NID2: variants seen among roughly 807,000 people sequenced by gnomAD.
The protein encoded by NID2 is nidogen-2.
A neutral mutation model predicts 145.4 loss-of-function variants in NID2; 83 were observed. The observed-to-expected ratio is 0.57, with a 90% CI of 0.48 to 0.69. The LOEUF (loss-of-function observed/expected upper bound fraction) is 0.69. Among genes scored for constraint, NID2 ranks in the 30% least tolerant of loss-of-function variants. The pLI is 0.00. For synonymous variants in NID2, 739 were observed against 701.3 expected, an observed-to-expected ratio of 1.05 and a Z score of -0.85; for missense variants, 1,807 against 1,765.7, an observed-to-expected ratio of 1.02 and a Z score of -0.42.
chr14:52,034,913 T>C (rs142354527), intron 9 of NID2, among the ~76,000 whole-genome samples: 271 of 152,330 alleles, frequency 1.8e-3, no homozygotes, highest in African/African-American at 6.0e-3. Context: ...TAGAGTTCCC[T>C]GACTTCACAA....
In NID2 at chr14:52,014,349, A is replaced by G. The variant is rs1891137366; in HGVS notation, c.3358T>C (p.Tyr1120His). ...AGCCTGGTGCCATTGAGGGGTAAGTAGCCAATCTGCTGGCCCTGAGTATAG... is the reference window on the plus strand; with the variant it reads ...AGCCTGGTGCCATTGAGGGGTAAGTGGCCAATCTGCTGGCCCTGAGTATAG... ...LLYTQGQQIG[Y>H]LPLNGTRLQK... Residue 1120 changes from tyrosine to histidine, a missense_variant, in exon 16 of 22, where the codon TAC becomes CAC. Coordinates refer to ENST00000216286, the MANE Select transcript of NID2 (RefSeq NM_007361.4). The G allele has an allele frequency of 6.2e-7, 1 of 1,614,266 alleles. No individual in the cohort carries two copies. The highest frequency in any genetic ancestry group is 8.5e-7 in the Non-Finnish European group (1 of 1,180,046).
rs765875074 is a variant in NID2, at chr14:52,027,274, A to G, written c.2601T>C (p.Cys867=). ...TGAACGTGCTGCCTCCATGGTGAAC[A>G]CACCGGGCCTGCCCAGCAGGAGCAC... The part of the protein sequence containing the change: ...HTCAPAGQAR[C]VHHGGSTFSC... Residue 867 remains cysteine, a synonymous_variant, in exon 12 of 22, where the codon TGT becomes TGC. Coordinates refer to ENST00000216286, the MANE Select transcript of NID2 (RefSeq NM_007361.4). 3 of 1,597,390 alleles carry G rather than the reference A, an allele frequency of 1.9e-6. No individual in the cohort carries two copies. The highest frequency in any genetic ancestry group is 2.6e-6 in the Non-Finnish European group (3 of 1,172,722).
Position 52,042,179 on chromosome 14 carries a change from G to T in NID2, c.1751C>A (p.Thr584Lys). The change falls in exon 7 of 22, where the codon ACA (threonine) becomes AAA (lysine). Residue 584 changes from threonine (T) to lysine (K), a missense_variant. Physicochemically the swap from Thr to Lys is moderately conservative, Grantham distance 78. Coordinates refer to ENST00000216286, the MANE Select transcript of NID2 (RefSeq NM_007361.4). ...CCAGCCAAACAGGCCTCCAATTGGT[G>T]TGAGGGGGAGGAGGGCCTGGGCTGC... ...QPAAQALLPLTPIGGLFGWLF... is the reference protein window; with the variant it reads ...QPAAQALLPLKPIGGLFGWLF... 1 of 1,614,190 alleles carries T rather than the reference G, an allele frequency of 6.2e-7. No homozygotes were observed. Among genetic ancestry groups the T allele is most frequent in the Non-Finnish European group, 8.5e-7 (1 of 1,180,004 alleles).
In NID2 at chr14:52,014,464, A is replaced by G. The variant is rs757004271; in HGVS notation, c.3251-8T>C. Reference sequence around the variant, plus strand: ...GAGCGACGGTGGGTATACCTGTGGGAGAGAGGGTGGGAGAGCAGGAAGGGG... The same window carrying G: ...GAGCGACGGTGGGTATACCTGTGGGGGAGAGGGTGGGAGAGCAGGAAGGGG... On this transcript the variant is annotated splice_polypyrimidine_tract_variant and splice_region_variant and intron_variant, in intron 15 of 21. Transcript: ENST00000216286. 47 of 1,601,242 alleles carry G rather than the reference A, an allele frequency of 2.9e-5. No individual in the cohort carries two copies. Among genetic ancestry groups the G allele is most frequent in the Non-Finnish European group, 3.5e-5 (41 of 1,173,004 alleles).
chr14:52,005,450 A>T lies in NID2; in HGVS notation c.*36T>A, dbSNP rs749089852. On this transcript the variant is annotated 3_prime_UTR_variant, in exon 22 of 22. Coordinates refer to ENST00000216286, the MANE Select transcript of NID2 (RefSeq NM_007361.4). ...ACTGTTCTTTAGGGTCCAGGTTCTGATTGTAAACTCCAAGTCTTCCTTTAC... is the reference window on the plus strand; with the variant it reads ...ACTGTTCTTTAGGGTCCAGGTTCTGTTTGTAAACTCCAAGTCTTCCTTTAC... The T allele has an allele frequency of 1.5e-5, 23 of 1,564,074 alleles. No individual in the cohort carries two copies. Among genetic ancestry groups the T allele is most frequent in the Non-Finnish European group, 1.8e-5 (21 of 1,159,896 alleles).
chr14:52,055,893 A>C (rs1445675569), intron 3 of NID2, among the ~76,000 whole-genome samples: 1 of 151,868 alleles, frequency 6.6e-6, no homozygotes. Context: ...TTTCTATAGT[A>C]ACAATATTTT....
chr14:52,030,491 AAGAAAGAAAG>A (rs1273059592), intron 9 of NID2, among the ~76,000 whole-genome samples: 6 of 98,840 alleles, frequency 6.1e-5, no homozygotes, highest in African/African-American at 2.3e-4. Flanking sequence ...AAAAGAAAGA[AAGAAAGAAAG>A]AGAAAGAAAG....
chr14:52,015,246 C>T lies in NID2; in HGVS notation c.3058G>A (p.Glu1020Lys). ...TCCAGCAGGTTTTCCCTCCAGCGCTCACAGATGGTCGGGGGCCTCTGGGTG... is the reference window on the plus strand; with the variant it reads ...TCCAGCAGGTTTTCCCTCCAGCGCTTACAGATGGTCGGGGGCCTCTGGGTG... ...EPTQRPPTICERWRENLLEHY... is the reference protein window; with the variant it reads ...EPTQRPPTICKRWRENLLEHY... The change falls in exon 15 of 22, where the codon GAG (glutamate) becomes AAG (lysine). Residue 1020 changes from glutamate (E) to lysine (K), a missense_variant. By Grantham distance (56) the Glu-to-Lys change is moderately conservative. Transcript: ENST00000216286. 6.2e-7 allele frequency: 1 copy of T among 1,612,622 alleles called. No individual in the cohort carries two copies. Among genetic ancestry groups the T allele is most frequent in the South Asian group, 1.1e-5 (1 of 91,050 alleles).
At position 52,042,830 on chromosome 14, in the gene NID2, GGCA is replaced by G; in HGVS notation, c.1528_1530del (p.Cys510del). Reference sequence around the variant, plus strand: ...TTTCCATAAAACTTGGATTGGCAGTGGCAGCAGAAGCCAGTGGCATAGTCCGTG... The same window carrying G: ...TTTCCATAAAACTTGGATTGGCAGTGGCAGAAGCCAGTGGCATAGTCCGTG... On this transcript the variant is annotated inframe_deletion, in exon 6 of 22. Coordinates refer to ENST00000216286, the MANE Select transcript of NID2 (RefSeq NM_007361.4). 6.2e-7 allele frequency: 1 copy of G among 1,614,210 alleles called. No homozygotes were observed. Among genetic ancestry groups the G allele is most frequent in the East Asian group, 2.2e-5 (1 of 44,880 alleles).
chr14:52,038,019 A>T (rs1317529308), intron 9 of NID2, among the ~76,000 whole-genome samples: 2 of 152,108 alleles, frequency 1.3e-5, no homozygotes, highest in Non-Finnish European at 2.9e-5. Flanking sequence ...AATTCCTGAG[A>T]TTTTCTACAC....
chr14:52,027,239 C>T lies in NID2; in HGVS notation c.2636G>A (p.Cys879Tyr). The T allele has an allele frequency of 2.5e-6, 4 of 1,580,522 alleles. No individual in the cohort carries two copies. Among genetic ancestry groups the T allele is most frequent in the East Asian group, 2.4e-5 (1 of 41,474 alleles). The change falls in exon 12 of 22, where the codon TGC (cysteine) becomes TAC (tyrosine). Residue 879 changes from cysteine to tyrosine, a missense_variant. Coordinates refer to ENST00000216286, the MANE Select transcript of NID2 (RefSeq NM_007361.4). The part of the protein sequence containing the change: ...HHGGSTFSCA[C>Y]LPGYAGDGHQ... ...CCCATCGCCGGCATAACCAGGCAGG[C>T]AGGCACAGCTGAACGTGCTGCCTCC...
intron 2 of NID2, among the ~76,000 whole-genome samples, chr14:52,063,072 T>A (rs1380711100): frequency 6.6e-6 from 1 of 152,246 alleles, no homozygotes; most frequent in Non-Finnish European, 1.5e-5. Flanking sequence ...GTAAAGTTCT[T>A]GGTCAGTTCT....
chr14:52,068,749 G>A lies in NID2; in HGVS notation c.228+18C>T, dbSNP rs368079313. 3.9e-5 allele frequency: 62 copies of A among 1,588,882 alleles called. No individual in the cohort carries two copies. The highest frequency in any genetic ancestry group is 3.3e-4 in the African/African-American group (25 of 74,820). On this transcript the variant is annotated intron_variant, in intron 1 of 21. Transcript: ENST00000216286. ...GGAAGAAGCTGCGGGAAAAGTGCCA[G>A]GAGGGGGCTGAACTTACGTAGAGGT...
intron 18 of NID2, chr14:52,010,651 C>T (rs548297576): frequency 3.1e-5 from 15 of 485,970 alleles, no homozygotes; most frequent in African/African-American, 2.1e-4. Context: ...ATTGTTTATA[C>T]CAGTCTTGTT....
At chr14:52,015,360 C>T in intron 14 of NID2, 85 bp from the exon 15 acceptor site, 1 of 1,238,716 alleles carries the variant, frequency 8.1e-7, no homozygotes, top group Middle Eastern at 2.3e-4. Context: ...AGACCCCATG[C>T]CTGGCCTCCT....
intron 19 of NID2, chr14:52,006,913 G>T: frequency 3.5e-6 from 1 of 289,800 alleles, no homozygotes; most frequent in Non-Finnish European, 6.6e-6. Context: ...CCAAAGTAGG[G>T]CATTAAACAT....
intron 13 of NID2, 125 bp downstream of exon 13, chr14:52,019,934 A>C: frequency 1.5e-6 from 2 of 1,368,346 alleles, no homozygotes; most frequent in African/African-American, 1.5e-5. Flanking sequence ...CAAGGAAAAA[A>C]ATCCACAGCT....
rs541425356 is a variant in NID2 at position 52,048,217 on chromosome 14, T to C, written c.1430-5286A>G. Among the ~76,000 whole-genome samples the C allele has an allele frequency of 2.0e-5, 3 of 152,296 alleles. No homozygotes were observed. In the East Asian group the frequency reaches 5.8e-4, roughly 29 times the overall value. On this transcript the variant is annotated intron_variant, in intron 5 of 21. Transcript: ENST00000216286. ...GCTGAGCTCAGTGCTTACGGCCCATTTGGGCATCCATCCACAAGAATACAA... is the reference window on the plus strand; with the variant it reads ...GCTGAGCTCAGTGCTTACGGCCCATCTGGGCATCCATCCACAAGAATACAA...
Position 52,067,930 on chromosome 14 carries a change from G to T in NID2, c.462C>A (p.His154Gln), listed in dbSNP as rs772235348. Residue 154 changes from histidine (H) to glutamine (Q), a missense_variant, in exon 2 of 22, where the codon CAC becomes CAA. Coordinates refer to ENST00000216286, the MANE Select transcript of NID2 (RefSeq NM_007361.4). The stretch of plus-strand genomic sequence containing the variant: ...CCTGCTCCCAGGTGGCCAGGAAGGC[G>T]TGGGTGGGGGTAAAGCGCGCAGAGC... ...FPRSARFTPTHAFLATWEQVG... is the reference protein window; with the variant it reads ...FPRSARFTPTQAFLATWEQVG... The T allele has an allele frequency of 1.4e-5, 23 of 1,612,416 alleles. No individual in the cohort carries two copies. In the East Asian group the frequency reaches 5.1e-4, roughly 36 times the overall value.
Sources: gnomAD v4.1 joint callset for allele counts (sites outside exome capture counted in the v4.1 genomes callset) on GRCh38, gnomAD v4.1.1 for gene constraint, MANE v1.5 for transcripts, NCBI Gene and HGNC (gene_info 2026-07-23, HGNC 2026-07-21) for gene names.